The following DOK5 variants were observed in gnomAD, a reference collection of about 807,000 sequenced individuals.
DOK5 encodes downstream of tyrosine kinase 5.
DOK5 carries 27 observed loss-of-function variants against 43.3 expected under a neutral mutation model. The observed-to-expected ratio is 0.62, with a 90% CI of 0.46 to 0.86. The LOEUF is 0.86. Ranked by LOEUF, DOK5 falls within the 40% of genes least tolerant of loss-of-function variation. DOK5 has a pLI of 0.00. For synonymous variants in DOK5, 146 were observed against 140.1 expected (o/e 1.04, Z -0.30); for missense variants, 373 against 392.9 (o/e 0.95, Z 0.43).
chr20:54,579,746 G>T (rs1279334921), intron 2 of DOK5, among the ~76,000 whole-genome samples: 1 of 151,670 alleles, frequency 6.6e-6, no homozygotes, highest in African/African-American at 2.4e-5. Flanking sequence ...TCTTTTTTAG[G>T]GTGGGATAAT....
At chr20:54,563,664 GT>G (rs76886127) in intron 2 of DOK5, among the ~76,000 whole-genome samples, 7,122 of 114,352 alleles carry the variant, frequency 0.062, 467 homozygotes, top group African/African-American at 0.22. Context: ...TATTTGTCAG[GT>G]TTTTTTTTTT....
At chr20:54,592,642 G>A (rs967453674) in intron 5 of DOK5, among the ~76,000 whole-genome samples, 3 of 151,276 alleles carry the variant, frequency 2.0e-5, no homozygotes, top group East Asian at 2.0e-4. Flanking sequence ...CCGGGTTCAC[G>A]CCATTCTCCT....
rs1269641781 is a variant in DOK5, at chr20:54,622,299, G to T, written c.735+11776G>T. ...AGAGACCAAACTGTTTATTCAGACAGGATAGATGTGGATGAAACTCAGGCT... is the reference window on the plus strand; with the variant it reads ...AGAGACCAAACTGTTTATTCAGACATGATAGATGTGGATGAAACTCAGGCT... On this transcript the variant is annotated intron_variant, in intron 6 of 7. Coordinates refer to ENST00000262593, the MANE Select transcript of DOK5 (RefSeq NM_018431.5). 2.0e-5 allele frequency among the ~76,000 whole-genome samples: 3 copies of T among 152,176 alleles called. 1 individual carries two copies. Among genetic ancestry groups the T allele is most frequent in the African/African-American group, 7.2e-5 (3 of 41,452 alleles).
intron 6 of DOK5, among the ~76,000 whole-genome samples, chr20:54,629,144 G>A (rs979654240): frequency 6.6e-6 from 1 of 152,182 alleles, no homozygotes; most frequent in Non-Finnish European, 1.5e-5. Flanking sequence ...AAACAAAAGG[G>A]TTGGGGATAG....
intron 5 of DOK5, among the ~76,000 whole-genome samples, chr20:54,595,907 G>A (rs948688483): frequency 1.3e-5 from 2 of 152,170 alleles, no homozygotes; most frequent in Admixed American, 6.5e-5. Flanking sequence ...TTCCTTGTAA[G>A]TTGATCAGAG....
At chr20:54,614,907 G>C (rs954250645) in intron 6 of DOK5, among the ~76,000 whole-genome samples, 2 of 152,124 alleles carry the variant, frequency 1.3e-5, no homozygotes, top group Non-Finnish European at 2.9e-5. Flanking sequence ...ACCCTGCCTC[G>C]GTTATTGTTT....
rs556683822 is a variant in DOK5 at position 54,606,708 on chromosome 20, A to G, written c.600-3680A>G. Reference sequence around the variant, plus strand: ...TTATGAAACGGTTCCAAACACATCAATTAGGAGGGGTGGATAAGATAAAAG... The same window carrying G: ...TTATGAAACGGTTCCAAACACATCAGTTAGGAGGGGTGGATAAGATAAAAG... On this transcript the variant is annotated intron_variant, in intron 5 of 7. Coordinates refer to ENST00000262593, the MANE Select transcript of DOK5 (RefSeq NM_018431.5). 2.0e-5 allele frequency among the ~76,000 whole-genome samples: 3 copies of G among 152,276 alleles called. No homozygotes were observed. In the South Asian group the frequency reaches 6.2e-4, roughly 32 times the overall value.
chr20:54,649,305 C>T (rs2146838285), intron 7 of DOK5, among the ~76,000 whole-genome samples: 1 of 152,218 alleles, frequency 6.6e-6, no homozygotes, highest in South Asian at 2.1e-4. Flanking sequence ...ACCTGTGGTC[C>T]CAGTTACTTG....
chr20:54,478,844 C>T (rs1465733608), intron 1 of DOK5, among the ~76,000 whole-genome samples: 1 of 152,086 alleles, frequency 6.6e-6, no homozygotes, highest in Admixed American at 6.6e-5. Context: ...TTTCTTTAAT[C>T]AAAGATGAGT....
At chr20:54,512,264 A>G (rs186160875) in intron 1 of DOK5, among the ~76,000 whole-genome samples, 186 of 152,340 alleles carry the variant, frequency 1.2e-3, no homozygotes, top group Middle Eastern at 6.8e-3. Flanking sequence ...AAAATAAAGA[A>G]TTATCCTTCT....
chr20:54,505,188 G>A (rs1324915896), intron 1 of DOK5, among the ~76,000 whole-genome samples: 1 of 152,100 alleles, frequency 6.6e-6, no homozygotes, highest in Non-Finnish European at 1.5e-5. Flanking sequence ...AAATCACTGG[G>A]TAGTTGTGAG....
rs547251555 is a variant in DOK5, at chr20:54,483,270, A to G, written c.66+7258A>G. Among the ~76,000 whole-genome samples the G allele has an allele frequency of 6.6e-5, 10 of 152,344 alleles. 1 individual carries two copies. In the South Asian group the frequency reaches 1.4e-3, roughly 22 times the overall value. On this transcript the variant is annotated intron_variant, in intron 1 of 7. Transcript: ENST00000262593. ...AATCATATTTATTAGAAGACTAGAAATATTTATTTTTAAAGCAGCTTTGTA... is the reference window on the plus strand; with the variant it reads ...AATCATATTTATTAGAAGACTAGAAGTATTTATTTTTAAAGCAGCTTTGTA...
chr20:54,579,526 AATTCT>A, intron 2 of DOK5, among the ~76,000 whole-genome samples: 1 of 151,982 alleles, frequency 6.6e-6, no homozygotes, highest in South Asian at 2.1e-4. Flanking sequence ...GTGTGACTAG[AATTCT>A]ATATTCGTTA....
At chr20:54,634,743 G>T (rs532410556) in intron 6 of DOK5, among the ~76,000 whole-genome samples, 1 of 151,122 alleles carries the variant, frequency 6.6e-6, no homozygotes, top group Admixed American at 6.6e-5. Context: ...TAATCTTCAG[G>T]GCATATACTA....
chr20:54,621,904 A>C (rs1384834069), intron 6 of DOK5, among the ~76,000 whole-genome samples: 1 of 151,822 alleles, frequency 6.6e-6, no homozygotes, highest in East Asian at 2.0e-4. Context: ...AATTAAAAGA[A>C]GCTAAATGGG....
At chr20:54,528,961 C>A (rs1983672017) in intron 1 of DOK5, among the ~76,000 whole-genome samples, 1 of 152,158 alleles carries the variant, frequency 6.6e-6, no homozygotes, top group African/African-American at 2.4e-5. Flanking sequence ...GATTCTCTAT[C>A]TTGCTTGGAC....
intron 6 of DOK5, among the ~76,000 whole-genome samples, chr20:54,625,220 C>T (rs1987098700): frequency 1.3e-5 from 2 of 152,150 alleles, no homozygotes; most frequent in South Asian, 4.1e-4. Flanking sequence ...AATTAGGCAG[C>T]CCATGAGGAC....
chr20:54,518,643 A>G (rs1262439145), intron 1 of DOK5, among the ~76,000 whole-genome samples: 1 of 152,194 alleles, frequency 6.6e-6, no homozygotes, highest in Non-Finnish European at 1.5e-5. Context: ...TATACCCAAT[A>G]ATGGGATGGC....
intron 5 of DOK5, among the ~76,000 whole-genome samples, chr20:54,606,271 A>G (rs755003813): frequency 1.7e-4 from 26 of 152,224 alleles, no homozygotes; most frequent in Non-Finnish European, 1.3e-4. Context: ...GGCCTAACTT[A>G]AACTTTTTTT....
Sources: allele counts gnomAD v4.1 joint callset (sites outside exome capture counted in the v4.1 genomes callset), GRCh38; gene constraint gnomAD v4.1.1; transcripts MANE v1.5; gene names NCBI Gene and HGNC (gene_info 2026-07-23, HGNC 2026-07-21).